CDH8: variants seen among roughly 807,000 people sequenced by gnomAD.
CDH8 encodes the protein cadherin 8.
Under a neutral mutation model 68.1 loss-of-function variants are expected in CDH8, and 17 were observed. That is an observed-to-expected ratio of 0.25 (90% CI 0.17 to 0.37). The LOEUF is 0.37. CDH8 is among the 10% of genes least tolerant of loss of function. The pLI is 1.00. For synonymous variants in CDH8, 372 were observed against 365.1 expected, an observed-to-expected ratio of 1.02 and a Z score of -0.21; for missense variants, 763 against 999.3, an observed-to-expected ratio of 0.76 and a Z score of 3.19.
intron 7 of CDH8, among the ~76,000 whole-genome samples, chr16:61,790,814 A>G (rs562064611): frequency 6.6e-6 from 1 of 152,110 alleles, no homozygotes; most frequent in East Asian, 1.9e-4. Context: ...ATACCTACCT[A>G]TGAAGATAGC....
chr16:61,736,832 T>C (rs1051703172), intron 8 of CDH8, among the ~76,000 whole-genome samples: 1 of 152,156 alleles, frequency 6.6e-6, no homozygotes, highest in Non-Finnish European at 1.5e-5. Context: ...ATGTTTGCCT[T>C]TCATCTGATA....
At chr16:61,991,720 T>G (rs1965724831) in intron 2 of CDH8, among the ~76,000 whole-genome samples, 1 of 152,170 alleles carries the variant, frequency 6.6e-6, no homozygotes, top group African/African-American at 2.4e-5. Flanking sequence ...TCTCTCTGTC[T>G]CCCTGACTTT....
intron 3 of CDH8, among the ~76,000 whole-genome samples, chr16:61,861,206 T>A (rs1220193042): frequency 1.3e-5 from 2 of 152,192 alleles, no homozygotes; most frequent in African/African-American, 4.8e-5. Context: ...TTCAGGCAGT[T>A]TGATACAAAA....
chr16:61,935,166 A>C (rs1371387236), intron 2 of CDH8, among the ~76,000 whole-genome samples: 1 of 152,208 alleles, frequency 6.6e-6, no homozygotes, highest in African/African-American at 2.4e-5. Context: ...AAGAGGCAAA[A>C]GTAGAACAGT....
intron 10 of CDH8, among the ~76,000 whole-genome samples, chr16:61,706,038 T>G (rs1273945103): frequency 1.3e-5 from 2 of 152,110 alleles, no homozygotes; most frequent in South Asian, 2.1e-4. Context: ...ATGTATTGAA[T>G]GAATGAATAA....
intron 2 of CDH8, among the ~76,000 whole-genome samples, chr16:61,928,614 A>C (rs1024520179): frequency 1.3e-5 from 2 of 152,184 alleles, no homozygotes; most frequent in African/African-American, 4.8e-5. Context: ...TAATGCTCCC[A>C]CTAACCATAA....
intron 4 of CDH8, among the ~76,000 whole-genome samples, chr16:61,841,885 A>ATTTG (rs1302610515): frequency 6.6e-6 from 1 of 151,844 alleles, no homozygotes. Context: ...AACTTTTGTG[A>ATTTG]TTTGTTTGTT....
chr16:62,035,654 C>G (rs2150627189), intron 1 of CDH8, among the ~76,000 whole-genome samples: 1 of 152,292 alleles, frequency 6.6e-6, no homozygotes, highest in East Asian at 1.9e-4. Context: ...CCCTGGCTTG[C>G]ACCCTCCGCA....
intron 4 of CDH8, among the ~76,000 whole-genome samples, chr16:61,846,111 T>G (rs1001972577): frequency 6.6e-6 from 1 of 152,086 alleles, no homozygotes; most frequent in African/African-American, 2.4e-5. Context: ...CATTTTGAAT[T>G]CCTGTACCCA....
chr16:61,779,863 A>G (rs1961001897), intron 8 of CDH8, among the ~76,000 whole-genome samples: 1 of 152,184 alleles, frequency 6.6e-6, no homozygotes, highest in African/African-American at 2.4e-5. Context: ...CACTTGATTC[A>G]AGAAATGATG....
chr16:61,916,189 T>G, intron 2 of CDH8, among the ~76,000 whole-genome samples: 1 of 152,196 alleles, frequency 6.6e-6, no homozygotes, highest in East Asian at 1.9e-4. Context: ...ATATGTGCAT[T>G]CACGACTTCT....
intron 2 of CDH8, among the ~76,000 whole-genome samples, chr16:61,910,677 T>A (rs893879201): frequency 1.3e-5 from 2 of 152,120 alleles, no homozygotes; most frequent in African/African-American, 4.8e-5. Flanking sequence ...GCACGATATG[T>A]CCCAGAAACT....
chr16:61,769,202 C>T (rs536415595), intron 8 of CDH8, among the ~76,000 whole-genome samples: 139 of 151,816 alleles, frequency 9.2e-4, no homozygotes, highest in African/African-American at 3.0e-3. Flanking sequence ...CCTTGCAGAA[C>T]GCTTAAAAAT....
At chr16:61,728,120 G>A (rs1437246668) in intron 8 of CDH8, among the ~76,000 whole-genome samples, 1 of 150,936 alleles carries the variant, frequency 6.6e-6, no homozygotes, top group East Asian at 2.0e-4. Context: ...GCATTTCTGT[G>A]GCACTGAATA....
chr16:61,817,672 T>C lies in CDH8; in HGVS notation c.1084A>G (p.Ile362Val). Residue 362 changes from isoleucine to valine, a missense_variant, in exon 7 of 12, where the codon ATT (isoleucine) becomes GTT (valine). Coordinates refer to ENST00000577390, the MANE Select transcript of CDH8 (RefSeq NM_001796.5). ...TLKVEAANVH[I>V]DPRFSGRGPF... ...CCCCTGCCACTGAAGCGTGGGTCAATATGGACATTGGCTGCCTCTACCTTT... is the reference window on the plus strand; with the variant it reads ...CCCCTGCCACTGAAGCGTGGGTCAACATGGACATTGGCTGCCTCTACCTTT... 1 of 1,612,476 alleles carries C rather than the reference T, an allele frequency of 6.2e-7. No individual in the cohort carries two copies. Among genetic ancestry groups the C allele is most frequent in the Non-Finnish European group, 8.5e-7 (1 of 1,179,072 alleles).
intron 7 of CDH8, among the ~76,000 whole-genome samples, chr16:61,797,154 C>T (rs1178223475): frequency 6.6e-6 from 1 of 151,908 alleles, no homozygotes; most frequent in Admixed American, 6.6e-5. Context: ...AAAGCATCTC[C>T]TACCTCCTTT....
intron 9 of CDH8, chr16:61,725,017 T>C (rs1959308477): frequency 6.6e-6 from 1 of 150,894 alleles, no homozygotes; most frequent in Non-Finnish European, 1.5e-5. Context: ...CAGTCAGCCA[T>C]ATGTCCAAAA....
intron 8 of CDH8, among the ~76,000 whole-genome samples, chr16:61,745,334 C>T (rs1253490121): frequency 6.6e-6 from 1 of 151,596 alleles, no homozygotes; most frequent in Non-Finnish European, 1.5e-5. Context: ...TCCTGGTATG[C>T]TTTTATTTGT....
chr16:61,822,815 G>A (rs986262288), intron 5 of CDH8, among the ~76,000 whole-genome samples: 2 of 151,942 alleles, frequency 1.3e-5, no homozygotes, highest in South Asian at 2.1e-4. Context: ...AAGGGGCCGC[G>A]CCGTGCTGCT....
Sources: gnomAD v4.1 joint callset for allele counts (sites outside exome capture counted in the v4.1 genomes callset) on GRCh38, gnomAD v4.1.1 for gene constraint, MANE v1.5 for transcripts, NCBI Gene and HGNC (gene_info 2026-07-23, HGNC 2026-07-21) for gene names.